The following NTN1 variants were observed in gnomAD, a reference collection of about 807,000 sequenced individuals.
The protein encoded by NTN1 is netrin-1.
In NTN1, 11 loss-of-function variants were observed where a neutral mutation model predicts 54.2. The observed-to-expected ratio is 0.20, with a 90% CI of 0.13 to 0.34. The LOEUF is 0.34. Among genes scored for constraint, NTN1 ranks in the 10% least tolerant of loss-of-function variants. The pLI is 1.00. For missense variants in NTN1, 740 were observed against 893.1 expected (o/e 0.83, Z 2.18); for synonymous variants, 371 against 382.0 (o/e 0.97, Z 0.33).
chr17:9,032,916 G>A (rs978434142), intron 2 of NTN1, among the ~76,000 whole-genome samples: 2 of 151,612 alleles, frequency 1.3e-5, no homozygotes, highest in Non-Finnish European at 2.9e-5. Context: ...GCTGCCATGA[G>A]GAAGGAAACT....
At position 9,096,186 on chromosome 17, in the gene NTN1, T is replaced by TA. The variant is rs547629120; in HGVS notation, c.1019-66627_1019-66626insA. Among the ~76,000 whole-genome samples the TA allele has an allele frequency of 8.5e-5, 13 of 152,238 alleles. No homozygotes were observed. In the South Asian group the frequency reaches 2.7e-3, roughly 32 times the overall value. ...TTTCCTCATCTATGTCCCTGAATGT[T>TA]TCTTAAGTTTATATGTGGGCATTTT... On this transcript the variant is annotated intron_variant, in intron 2 of 6. Transcript: ENST00000173229.
rs532727175 is a variant in NTN1 at position 9,210,233 on chromosome 17, C to T, written c.1412-10935C>T. ...CAGGCTGCTCCTCCTGCTTGGAACC[C>T]TCTTCCCTCAGACCTTCCTGCCCTG... On this transcript the variant is annotated intron_variant, in intron 5 of 6. Transcript: ENST00000173229. Among the ~76,000 whole-genome samples, 73 of 152,168 alleles carry T rather than the reference C, an allele frequency of 4.8e-4. 1 individual carries two copies. In the South Asian group the frequency reaches 0.015, roughly 30 times the overall value.
chr17:9,120,912 TCTTGGTGATTGAACTCAG>T (rs1325167278), intron 2 of NTN1, among the ~76,000 whole-genome samples: 1 of 152,222 alleles, frequency 6.6e-6, no homozygotes, highest in African/African-American at 2.4e-5. Flanking sequence ...TCACTTCAGT[TCTTGGTGATTGAACTCAG>T]CTCTGATTTG....
At position 9,219,192 on chromosome 17, in the gene NTN1, T is replaced by G. The variant is rs558816877; in HGVS notation, c.1412-1976T>G. Among the ~76,000 whole-genome samples the G allele has an allele frequency of 6.6e-4, 100 of 152,186 alleles. No homozygotes were observed. Among genetic ancestry groups the G allele is most frequent in the South Asian group, 1.9e-3 (9 of 4,834 alleles). ...GCGGCCGCGGTGCTGATGGTGCTGATGGCGCCGTTGACTTGAGTGTTTGGG... is the reference window on the plus strand; with the variant it reads ...GCGGCCGCGGTGCTGATGGTGCTGAGGGCGCCGTTGACTTGAGTGTTTGGG... On this transcript the variant is annotated intron_variant, in intron 5 of 6. Transcript: ENST00000173229. This position sits in a 1 kb window ranked among gnomAD's most constrained non-coding sequence, Gnocchi z 4.5.
intron 2 of NTN1, among the ~76,000 whole-genome samples, chr17:9,112,558 C>T (rs975667317): frequency 2.6e-5 from 4 of 152,152 alleles, no homozygotes; most frequent in Admixed American, 2.6e-4. Flanking sequence ...GCACCCCACC[C>T]CTCATGCCTG....
Position 9,171,072 on chromosome 17 carries a change from T to C in NTN1, c.1207+8071T>C, listed in dbSNP as rs557877500. The C allele has an allele frequency of 2.6e-5, 4 of 152,302 alleles. No homozygotes were observed. The East Asian group carries it at 7.7e-4, about 29-fold the overall frequency. The allele number at this position is 152,302 out of a possible 1,614,324, so 9.4% of individuals were successfully genotyped here. A position where few individuals can be genotyped will look rare whatever the true frequency, so the allele number is the denominator to read the frequency against. On this transcript the variant is annotated intron_variant, in intron 3 of 6. Transcript: ENST00000173229. The stretch of plus-strand genomic sequence containing the variant: ...CCGAAAGTGGCAGGGAAAGGATAGG[T>C]TGTGCAACTTGAAACATTTATTCTT...
At chr17:9,109,155 G>T (rs1435827656) in intron 2 of NTN1, among the ~76,000 whole-genome samples, 1 of 152,206 alleles carries the variant, frequency 6.6e-6, no homozygotes, top group African/African-American at 2.4e-5. Flanking sequence ...GATTACAGGC[G>T]TGAGGCACAG....
intron 3 of NTN1, among the ~76,000 whole-genome samples, chr17:9,163,790 C>G (rs1283705886): frequency 2.0e-5 from 3 of 151,728 alleles, no homozygotes; most frequent in Admixed American, 2.0e-4. Flanking sequence ...GAAGCGGGGC[C>G]CCCCCCACCC....
chr17:9,083,750 A>G (rs2092081017), intron 2 of NTN1, among the ~76,000 whole-genome samples: 1 of 152,200 alleles, frequency 6.6e-6, no homozygotes, highest in Non-Finnish European at 1.5e-5. Context: ...AGAAGACACT[A>G]AGTCCTGGAT....
chr17:9,080,691 G>T (rs2092067699), intron 2 of NTN1, among the ~76,000 whole-genome samples: 1 of 152,180 alleles, frequency 6.6e-6, no homozygotes, highest in Admixed American at 6.5e-5. Context: ...CCCTCTCCCT[G>T]CCCCACCTCC....
At chr17:9,039,481 T>C (rs1009468185) in intron 2 of NTN1, among the ~76,000 whole-genome samples, 2 of 152,248 alleles carry the variant, frequency 1.3e-5, no homozygotes, top group African/African-American at 4.8e-5. Context: ...TCTCTTTGAT[T>C]CTTCCAGATG....
At chr17:9,072,906 G>A (rs1285156916) in intron 2 of NTN1, among the ~76,000 whole-genome samples, 1 of 152,280 alleles carries the variant, frequency 6.6e-6, no homozygotes, top group African/African-American at 2.4e-5. Context: ...CTGGCAATCC[G>A]GAATGGGACT....
At chr17:9,207,092 C>A (rs1904986918) in intron 5 of NTN1, among the ~76,000 whole-genome samples, 1 of 152,160 alleles carries the variant, frequency 6.6e-6, no homozygotes, top group African/African-American at 2.4e-5. Context: ...ATTGAACTTG[C>A]TCAACAAATA....
intron 2 of NTN1, among the ~76,000 whole-genome samples, chr17:9,069,438 C>G (rs1259733425): frequency 6.6e-6 from 1 of 152,116 alleles, no homozygotes; most frequent in African/African-American, 2.4e-5. Context: ...TTTCGTATTT[C>G]GTAATGAGGA....
At chr17:9,184,658 C>T (rs2092428076) in intron 5 of NTN1, among the ~76,000 whole-genome samples, 1 of 152,206 alleles carries the variant, frequency 6.6e-6, no homozygotes, top group East Asian at 1.9e-4. Flanking sequence ...TCTCCATCTC[C>T]GTCTTTGTCT....
chr17:9,223,054 T>C (rs997540272), intron 6 of NTN1, among the ~76,000 whole-genome samples: 16 of 152,194 alleles, frequency 1.1e-4, no homozygotes, highest in Non-Finnish European at 1.9e-4. Context: ...GCTGCCAGGC[T>C]ATGGGCATCA....
At chr17:9,093,485 C>T (rs1451171107) in intron 2 of NTN1, among the ~76,000 whole-genome samples, 1 of 152,210 alleles carries the variant, frequency 6.6e-6, no homozygotes. Flanking sequence ...ACCTCAGTCT[C>T]CTGAGTAGTT....
intron 6 of NTN1, among the ~76,000 whole-genome samples, chr17:9,225,132 T>G (rs1166171763): frequency 6.6e-6 from 1 of 152,000 alleles, no homozygotes; most frequent in East Asian, 1.9e-4. Flanking sequence ...TGTGGTGGTG[T>G]GCACCTGTAA....
At chr17:9,170,753 AGGCCTGAGCT>A (rs1377168606) in intron 3 of NTN1, among the ~76,000 whole-genome samples, 1 of 152,000 alleles carries the variant, frequency 6.6e-6, no homozygotes, top group African/African-American at 2.4e-5. Context: ...GGCTGTTGGG[AGGCCTGAGCT>A]GGCCTGAGCT....
Sources: gnomAD v4.1 joint callset for allele counts (sites outside exome capture counted in the v4.1 genomes callset) on GRCh38, gnomAD v4.1.1 for gene constraint, Gnocchi (gnomAD v3.1) non-coding constraint, MANE v1.5 for transcripts, NCBI Gene and HGNC (gene_info 2026-07-23, HGNC 2026-07-21) for gene names.